Variants in SYNPR observed in about 807,000 individuals in gnomAD.
SYNPR encodes synaptoporin.
SYNPR carries 23 observed loss-of-function variants against 32.9 expected under a neutral mutation model. The observed-to-expected ratio is 0.70, with a 90% CI of 0.50 to 0.99. The LOEUF is 0.99. Among genes scored for constraint, SYNPR ranks in the 50% least tolerant of loss-of-function variants. The probability of loss-of-function intolerance (pLI) is 0.00; values close to 1 mark genes in which losing one functional copy is unlikely to be tolerated. For missense variants in SYNPR, 318 were observed against 349.3 expected, an observed-to-expected ratio of 0.91 and a Z score of 0.71; for synonymous variants, 146 against 135.9, an observed-to-expected ratio of 1.07 and a Z score of -0.52.
intron 2 of SYNPR, among the ~76,000 whole-genome samples, chr3:63,280,880 C>T (rs111830703): frequency 2.0e-5 from 3 of 152,316 alleles, no homozygotes; most frequent in Admixed American, 1.3e-4. Flanking sequence ...GGGCTTTTTG[C>T]TTGTACCTCA....
At chr3:63,602,599 G>C (rs878971100) in intron 4 of SYNPR, among the ~76,000 whole-genome samples, 1 of 152,156 alleles carries the variant, frequency 6.6e-6, no homozygotes, top group East Asian at 1.9e-4. Flanking sequence ...TTATTGAAGA[G>C]GGAGTTCTTT....
At chr3:63,270,541 C>T (rs1050937339) in intron 3 of SYNPR, among the ~76,000 whole-genome samples, 3 of 152,264 alleles carry the variant, frequency 2.0e-5, no homozygotes, top group Non-Finnish European at 4.4e-5. Context: ...TCAATATCTT[C>T]AGATTCCAGT....
chr3:63,616,840 A>T lies in SYNPR; in HGVS notation c.*1359A>T, dbSNP rs570610020. 1 of 152,474 alleles carries T rather than the reference A, an allele frequency of 6.6e-6. No homozygotes were observed. Among genetic ancestry groups the T allele is most frequent in the African/African-American group, 2.4e-5 (1 of 41,578 alleles). The allele number at this position is 152,474 out of a possible 1,614,324, so 9.4% of individuals were successfully genotyped here. A position where few individuals can be genotyped will look rare whatever the true frequency, so the allele number is the denominator to read the frequency against. The stretch of plus-strand genomic sequence containing the variant: ...ACAAAACAGCCTTGTGTCTTAGATG[A>T]TATCTGTAACCAGTTTCTGAATCCC... On this transcript the variant is annotated 3_prime_UTR_variant, in exon 6 of 6. Transcript: ENST00000478300.
chr3:63,588,663 T>C (rs1475494232), intron 4 of SYNPR, among the ~76,000 whole-genome samples: 2 of 152,074 alleles, frequency 1.3e-5, no homozygotes, highest in African/African-American at 4.8e-5. Flanking sequence ...CAATAATCAA[T>C]TTTTTGGAAA....
intron 2 of SYNPR, among the ~76,000 whole-genome samples, chr3:63,264,664 A>G (rs1187881635): frequency 6.6e-6 from 1 of 152,218 alleles, no homozygotes; most frequent in Non-Finnish European, 1.5e-5. Context: ...TAGTTCTCAC[A>G]CTGCTATGAG....
chr3:63,363,091 T>A (rs2087682727), intron 2 of SYNPR, among the ~76,000 whole-genome samples: 1 of 152,234 alleles, frequency 6.6e-6, no homozygotes, highest in South Asian at 2.1e-4. Context: ...CCATTTAGAA[T>A]AATGTTCTTG....
intron 4 of SYNPR, among the ~76,000 whole-genome samples, chr3:63,586,332 C>A (rs778311711): frequency 6.6e-6 from 1 of 151,738 alleles, no homozygotes; most frequent in African/African-American, 2.4e-5. Flanking sequence ...ACAATCCTTC[C>A]CCCAAACAGA....
intron 2 of SYNPR, among the ~76,000 whole-genome samples, chr3:63,299,277 G>GT (rs578112647): frequency 1.3e-5 from 2 of 151,708 alleles, no homozygotes; most frequent in Admixed American, 1.3e-4. Flanking sequence ...CTAGAGAAGA[G>GT]TTTTTTTTAG....
At position 63,478,170 on chromosome 3, in the gene SYNPR, A is replaced by T. The variant is rs115204178; in HGVS notation, c.85-2662A>T. ...TCAATAGTCATGACACCTCCTTTCC[A>T]CGTATCTAACATTTTGAACTAGTTA... On this transcript the variant is annotated intron_variant, in intron 2 of 5. Coordinates refer to ENST00000478300, the MANE Select transcript of SYNPR (RefSeq NM_001130003.2). Among the ~76,000 whole-genome samples the T allele has an allele frequency of 4.2e-3, 643 of 152,336 alleles. 3 individuals are homozygous for T. The highest frequency in any genetic ancestry group is 7.3e-3 in the Non-Finnish European group (500 of 68,032).
chr3:63,260,953 A>G (rs1208075911), intron 2 of SYNPR, among the ~76,000 whole-genome samples: 1 of 152,204 alleles, frequency 6.6e-6, no homozygotes, highest in East Asian at 1.9e-4. Context: ...CAGCCAAAAG[A>G]CATATGAAAA....
intron 2 of SYNPR, among the ~76,000 whole-genome samples, chr3:63,431,716 G>A (rs187407565): frequency 6.6e-6 from 1 of 150,558 alleles, no homozygotes; most frequent in African/African-American, 2.5e-5. Context: ...GAATCATCAA[G>A]CCCATTAAAA....
intron 2 of SYNPR, among the ~76,000 whole-genome samples, chr3:63,289,941 T>C (rs1378487768): frequency 7.2e-5 from 11 of 151,782 alleles, no homozygotes; most frequent in Admixed American, 4.6e-4. Context: ...CCATCCTGGC[T>C]AACATGGTGA....
intron 2 of SYNPR, among the ~76,000 whole-genome samples, chr3:63,435,047 G>GAAATTATAAAAA (rs1700056536): frequency 6.6e-6 from 1 of 152,106 alleles, no homozygotes; most frequent in South Asian, 2.1e-4. Context: ...TTATACAACT[G>GAAATTATAAAAA]AAATACAACA....
At chr3:63,219,967 C>G in the SYNPR span, among the ~76,000 whole-genome samples, 3 of 152,138 alleles carry the variant, frequency 2.0e-5, no homozygotes, top group Non-Finnish European at 2.9e-5. Flanking sequence ...CAAAGGTCAA[C>G]TGTATTTTTT....
intron 3 of SYNPR, among the ~76,000 whole-genome samples, chr3:63,525,626 T>C (rs1347373029): frequency 2.0e-5 from 3 of 152,124 alleles, no homozygotes; most frequent in Non-Finnish European, 2.9e-5. Flanking sequence ...CCTCATTCCA[T>C]AAAAACATAA....
intron 2 of SYNPR, among the ~76,000 whole-genome samples, chr3:63,283,058 G>C (rs1021430489): frequency 6.6e-6 from 1 of 152,170 alleles, no homozygotes; most frequent in Non-Finnish European, 1.5e-5. Flanking sequence ...GAACGGGAGA[G>C]GTTGATGGTA....
upstream of SYNPR, among the ~76,000 whole-genome samples, chr3:63,273,686 AT>A (rs2086554059): frequency 6.6e-6 from 1 of 152,204 alleles, no homozygotes; most frequent in Non-Finnish European, 1.5e-5. Context: ...CCATATATGA[AT>A]TTTTATATCA....
the SYNPR span, among the ~76,000 whole-genome samples, chr3:63,207,512 C>T: frequency 2.0e-5 from 3 of 152,154 alleles, no homozygotes; most frequent in South Asian, 2.1e-4. Context: ...TTCATGAGTA[C>T]ATTTTATGTA....
intron 2 of SYNPR, among the ~76,000 whole-genome samples, chr3:63,429,711 C>T (rs17394121): frequency 0.18 from 26,891 of 152,190 alleles, 2,471 homozygotes; most frequent in Non-Finnish European, 0.19. Context: ...CAGAATGCAA[C>T]GACATCCTCA....
Sources: gnomAD v4.1 joint callset for allele counts (sites outside exome capture counted in the v4.1 genomes callset) on GRCh38, gnomAD v4.1.1 for gene constraint, MANE v1.5 for transcripts, NCBI Gene and HGNC (gene_info 2026-07-23, HGNC 2026-07-21) for gene names.